Variants in C10orf143 observed in about 807,000 individuals in gnomAD.
The protein encoded by C10orf143 is chromosome 10 open reading frame 143, also known as uncharacterized protein C10orf143.
intron 3 of C10orf143, among the ~76,000 whole-genome samples, chr10:130,075,394 A>T (rs1011172327): frequency 6.6e-6 from 1 of 152,194 alleles, no homozygotes; most frequent in Non-Finnish European, 1.5e-5. Context: ...AAGCTTGCGG[A>T]CTACTGACTG....
chr10:130,053,959 G>A (rs954119120), intron 3 of C10orf143, among the ~76,000 whole-genome samples: 1 of 152,194 alleles, frequency 6.6e-6, no homozygotes, highest in South Asian at 2.1e-4. Context: ...GAGAGCAAGT[G>A]TGAGCCATCC....
At chr10:130,038,118 C>A (rs1860565710) in intron 3 of C10orf143, among the ~76,000 whole-genome samples, 1 of 152,164 alleles carries the variant, frequency 6.6e-6, no homozygotes, top group East Asian at 1.9e-4. Flanking sequence ...CAAGATGCTT[C>A]TTTAATTCTT....
intron 4 of C10orf143, among the ~76,000 whole-genome samples, chr10:130,035,586 C>T (rs1860536143): frequency 6.6e-6 from 1 of 152,160 alleles, no homozygotes. Flanking sequence ...TCAGTTGCCC[C>T]CTCACTGCTT....
rs149708388 is a variant in C10orf143 at position 130,086,497 on chromosome 10, C to G, written c.70-6596G>C. 4.2e-3 allele frequency among the ~76,000 whole-genome samples: 645 copies of G among 152,308 alleles called. 4 individuals are homozygous for G. The highest frequency in any genetic ancestry group is 0.015 in the African/African-American group (619 of 41,570). On this transcript the variant is annotated intron_variant, in intron 1 of 3. Coordinates refer to ENST00000637128, the MANE Select transcript of C10orf143 (RefSeq NM_001355042.2). The stretch of plus-strand genomic sequence containing the variant: ...ATAATGCAGCCTTCTATGTCTTCAC[C>G]TAAGTTGGATGACAGTTTGAAGAAC...
chr10:130,086,254 C>T (rs2134779522), intron 1 of C10orf143, among the ~76,000 whole-genome samples: 1 of 152,334 alleles, frequency 6.6e-6, no homozygotes, highest in African/African-American at 2.4e-5. Flanking sequence ...CCCTCAGCTT[C>T]TCCACACAAA....
intron 3 of C10orf143, among the ~76,000 whole-genome samples, chr10:130,044,009 G>C (rs544150741): frequency 6.6e-6 from 1 of 151,584 alleles, no homozygotes; most frequent in African/African-American, 2.4e-5. Flanking sequence ...GAGAGAGAGA[G>C]AGAGAGAGAA....
chr10:130,054,041 C>T (rs1016315), intron 3 of C10orf143, among the ~76,000 whole-genome samples: 22,036 of 152,240 alleles, frequency 0.14, 1,681 homozygotes, highest in Middle Eastern at 0.21. Flanking sequence ...CACTTGCCAT[C>T]AGATCTGTCC....
intron 1 of C10orf143, chr10:130,106,006 C>T: frequency 2.2e-6 from 1 of 445,744 alleles, no homozygotes; most frequent in Non-Finnish European, 4.4e-6. Flanking sequence ...CTTGTTGTGG[C>T]CGGGGTTACT....
intron 1 of C10orf143, chr10:130,108,382 G>T: frequency 9.2e-7 from 1 of 1,088,752 alleles, no homozygotes; most frequent in Middle Eastern, 2.0e-4. Context: ...GTAGAAGTGA[G>T]TTCCCTTCAG....
chr10:130,077,803 A>T (rs962719541), intron 3 of C10orf143, among the ~76,000 whole-genome samples: 51 of 152,364 alleles, frequency 3.3e-4, no homozygotes, highest in Admixed American at 2.2e-3. Flanking sequence ...ATATTATTAG[A>T]AGAAGAAGAT....
Position 130,056,534 on chromosome 10 carries a change from G to C in C10orf143, c.298-20564C>G, listed in dbSNP as rs997963728. 3.9e-5 allele frequency among the ~76,000 whole-genome samples: 6 copies of C among 152,056 alleles called. No individual in the cohort carries two copies. The East Asian group carries it at 5.8e-4, about 15-fold the overall frequency. On this transcript the variant is annotated intron_variant and NMD_transcript_variant, in intron 3 of 5. Coordinates refer to the C10orf143 transcript ENST00000643056. The surrounding 1 kb of genome is among the most constrained non-coding windows in gnomAD (Gnocchi z 4.6). Reference sequence around the variant, plus strand: ...ATGTCATTTTACAGAGAAAGGGAAGGGTTGAGCCATTGAGAGTTTTTTATT... The same window carrying C: ...ATGTCATTTTACAGAGAAAGGGAAGCGTTGAGCCATTGAGAGTTTTTTATT...
intron 3 of C10orf143, among the ~76,000 whole-genome samples, chr10:130,042,558 TG>T (rs1860619648): frequency 6.6e-6 from 1 of 152,208 alleles, no homozygotes; most frequent in South Asian, 2.1e-4. Flanking sequence ...GCCCCTCGGA[TG>T]GGAGACCTCC....
intron 3 of C10orf143, among the ~76,000 whole-genome samples, chr10:130,042,315 G>T (rs565207106): frequency 1.2e-4 from 18 of 152,330 alleles, no homozygotes; most frequent in African/African-American, 4.3e-4. Context: ...AACTGACAAA[G>T]GAAACATATT....
Position 130,054,960 on chromosome 10 carries a change from A to G in C10orf143, c.298-18990T>C, listed in dbSNP as rs560675391. Among the ~76,000 whole-genome samples the G allele has an allele frequency of 3.9e-5, 6 of 152,364 alleles. No homozygotes were observed. The South Asian group carries it at 1.2e-3, about 32-fold the overall frequency. On this transcript the variant is annotated intron_variant and NMD_transcript_variant, in intron 3 of 5. Transcript: ENST00000643056. ...GTGCCAAGAATATAAAATGGGGGAA[A>G]TACAGTCTCCAACAAATGGTATTGA...
At chr10:130,055,324 A>G (rs1590008870) in intron 3 of C10orf143, among the ~76,000 whole-genome samples, 1 of 152,362 alleles carries the variant, frequency 6.6e-6, no homozygotes, top group East Asian at 1.9e-4. Flanking sequence ...GGCAACCTAC[A>G]GAATGGGAGA....
intron 3 of C10orf143, among the ~76,000 whole-genome samples, chr10:130,036,992 G>T (rs1860552091): frequency 6.6e-6 from 1 of 152,210 alleles, no homozygotes; most frequent in African/African-American, 2.4e-5. Context: ...TGGGCCAGCA[G>T]GTGACAGTGT....
At chr10:130,099,514 A>T (rs1421288469) in intron 1 of C10orf143, among the ~76,000 whole-genome samples, 2 of 3,304 alleles carry the variant, frequency 6.1e-4, no homozygotes, top group Non-Finnish European at 2.0e-3. Context: ...TTTTATTTTT[A>T]TTTATTTATT....
intron 1 of C10orf143, among the ~76,000 whole-genome samples, chr10:130,088,339 G>C (rs940626858): frequency 6.6e-6 from 1 of 152,052 alleles, no homozygotes; most frequent in African/African-American, 2.4e-5. Context: ...AGCCAGGATC[G>C]CGCCATTGCA....
intron 1 of C10orf143, among the ~76,000 whole-genome samples, chr10:130,090,127 T>C (rs1861356627): frequency 6.6e-6 from 1 of 152,154 alleles, no homozygotes; most frequent in African/African-American, 2.4e-5. Context: ...GCTGGCAAGA[T>C]GGCCAAATAG....
Sources: allele counts gnomAD v4.1 joint callset (sites outside exome capture counted in the v4.1 genomes callset), GRCh38; gene constraint gnomAD v4.1.1; non-coding constraint Gnocchi (gnomAD v3.1); transcripts MANE v1.5; gene names NCBI Gene and HGNC (gene_info 2026-07-23, HGNC 2026-07-21).